The following SLIT1 variants were observed in gnomAD, a reference collection of about 807,000 sequenced individuals.
The protein encoded by SLIT1 is slit guidance ligand 1, also known as slit homolog 1 protein.
SLIT1 carries 66 observed loss-of-function variants against 186.1 expected under a neutral mutation model. The ratio of observed to expected loss-of-function variants is 0.35; its 90% confidence interval spans 0.29 to 0.44. The LOEUF (loss-of-function observed/expected upper bound fraction) is 0.44, where lower values mean the gene tolerates loss of function less well. Ranked by LOEUF, SLIT1 falls within the 20% of genes least tolerant of loss-of-function variation. SLIT1 has a pLI of 1.00. For missense variants in SLIT1, 1,638 were observed against 2,037.4 expected, an observed-to-expected ratio of 0.80 and a Z score of 3.77; for synonymous variants, 761 against 833.8, an observed-to-expected ratio of 0.91 and a Z score of 1.50.
Position 97,004,927 on chromosome 10 carries a change from T to C in SLIT1, c.3580-104A>G. Reference sequence around the variant, plus strand: ...ACCCAAGATTGGAAGAGAGATGCTCTGTGCAGAGCGCTCTTCCCCCACCTG... The same window carrying C: ...ACCCAAGATTGGAAGAGAGATGCTCCGTGCAGAGCGCTCTTCCCCCACCTG... On this transcript the variant is annotated intron_variant, in intron 32 of 36. Transcript: ENST00000266058. This position sits in a 1 kb window ranked among gnomAD's most constrained non-coding sequence, Gnocchi z 5.1. The C allele has an allele frequency of 7.2e-7, 1 of 1,381,096 alleles. No homozygotes were observed. The highest frequency in any genetic ancestry group is 1.0e-6 in the Non-Finnish European group (1 of 989,530). 85.6% of individuals were successfully genotyped at this position (1,381,096 alleles called of 1,614,324 possible).
chr10:97,082,996 T>C (rs1321193522), intron 4 of SLIT1, among the ~76,000 whole-genome samples: 1 of 152,256 alleles, frequency 6.6e-6, no homozygotes, highest in African/African-American at 2.4e-5. Context: ...CACTGCAGCC[T>C]GGGCTCAGGC....
At chr10:97,172,998 C>A (rs1265221397) in intron 1 of SLIT1, among the ~76,000 whole-genome samples, 1 of 151,892 alleles carries the variant, frequency 6.6e-6, no homozygotes, top group East Asian at 1.9e-4. Context: ...AAATGTTCTC[C>A]CCAAATGGAC....
chr10:97,157,811 C>CA lies in SLIT1; in HGVS notation c.413+6dup, dbSNP rs1849970927. 6.2e-7 allele frequency: 1 copy of CA among 1,610,360 alleles called. No individual in the cohort carries two copies. The highest frequency in any genetic ancestry group is 2.2e-5 in the East Asian group (1 of 44,860). On this transcript the variant is annotated splice_region_variant and intron_variant, in intron 4 of 36. Transcript: ENST00000266058. Reference sequence around the variant, plus strand: ...GGAGAACTCTCTGGCCACAGAGCGTCACTCACAGTCTTGACAAAGCCTGGT... The same window carrying CA: ...GGAGAACTCTCTGGCCACAGAGCGTCAACTCACAGTCTTGACAAAGCCTGGT...
chr10:97,064,775 C>G, intron 6 of SLIT1, 30 bp downstream of exon 6: 1 of 1,560,470 alleles, frequency 6.4e-7, no homozygotes, highest in Non-Finnish European at 8.7e-7. Flanking sequence ...GCCCTCCACA[C>G]CCCTCCTTCC....
intron 1 of SLIT1, among the ~76,000 whole-genome samples, chr10:97,165,364 C>T (rs932531650): frequency 3.3e-5 from 5 of 152,124 alleles, no homozygotes; most frequent in Admixed American, 3.3e-4. Flanking sequence ...CATGGGGACA[C>T]CAGTGTTATC....
At chr10:97,072,423 C>T (rs1849008730) in intron 4 of SLIT1, among the ~76,000 whole-genome samples, 1 of 152,168 alleles carries the variant, frequency 6.6e-6, no homozygotes. Flanking sequence ...CTCAGCCTCC[C>T]AAGTAGCTGG....
At chr10:97,097,969 A>T (rs1469102370) in intron 4 of SLIT1, among the ~76,000 whole-genome samples, 1 of 152,204 alleles carries the variant, frequency 6.6e-6, no homozygotes, top group Non-Finnish European at 1.5e-5. Context: ...CGATTTTGTT[A>T]ATGTTATCAT....
In SLIT1 at chr10:97,021,010, C is replaced by G. The variant is rs1023034032; in HGVS notation, c.2746+240G>C. ...GAAACACTGCTGCTATTTTTATTTT[C>G]CTTATGTAACCACAGGGAGGGATTA... On this transcript the variant is annotated intron_variant, in intron 26 of 36. Coordinates refer to ENST00000266058, the MANE Select transcript of SLIT1 (RefSeq NM_003061.3). This position sits in a 1 kb window ranked among gnomAD's most constrained non-coding sequence, Gnocchi z 4.5. Among the ~76,000 whole-genome samples the G allele has an allele frequency of 6.6e-6, 1 of 152,250 alleles. No homozygotes were observed. Among genetic ancestry groups the G allele is most frequent in the African/African-American group, 2.4e-5 (1 of 41,464 alleles).
At chr10:97,147,875 G>C (rs562407214) in intron 4 of SLIT1, among the ~76,000 whole-genome samples, 117 of 152,306 alleles carry the variant, frequency 7.7e-4, no homozygotes, top group African/African-American at 2.7e-3. Flanking sequence ...CTGCACAGCT[G>C]CTCCTTCCAC....
chr10:97,093,268 C>A (rs1213542281), intron 4 of SLIT1, among the ~76,000 whole-genome samples: 2 of 152,206 alleles, frequency 1.3e-5, no homozygotes, highest in African/African-American at 4.8e-5. Flanking sequence ...GCAGAGGTTG[C>A]CAGGTGTTCC....
At chr10:97,031,918 A>G (rs1848595116) in intron 23 of SLIT1, among the ~76,000 whole-genome samples, 1 of 152,266 alleles carries the variant, frequency 6.6e-6, no homozygotes, top group Non-Finnish European at 1.5e-5. Context: ...AGGGACAAAA[A>G]TAATGCCAAC....
chr10:97,153,373 C>G (rs865920663), intron 4 of SLIT1: 2 of 152,368 alleles, frequency 1.3e-5, no homozygotes, highest in Middle Eastern at 3.4e-3. Context: ...GGTGACCATG[C>G]CTTACCCAGC....
At chr10:97,076,616 A>G (rs1305952409) in intron 4 of SLIT1, among the ~76,000 whole-genome samples, 4 of 152,226 alleles carry the variant, frequency 2.6e-5, no homozygotes, top group African/African-American at 9.6e-5. Context: ...TCTCCAGGTC[A>G]GGGACTAGGT....
rs370290782 is a variant in SLIT1, at chr10:97,140,516, T to C, written c.413+17302A>G. ...CCCCCAAGTTGCCTGGAGCCCCTCA[T>C]TCTCCATAAACACACTTCCCCTCCT... On this transcript the variant is annotated intron_variant, in intron 4 of 36. Transcript: ENST00000266058. Among the ~76,000 whole-genome samples the C allele has an allele frequency of 4.0e-3, 614 of 152,324 alleles. 2 individuals are homozygous for C. Among genetic ancestry groups the C allele is most frequent in the African/African-American group, 0.011 (478 of 41,574 alleles).
At chr10:97,178,790 AGT>A (rs57432718) in intron 1 of SLIT1, among the ~76,000 whole-genome samples, 15,401 of 150,588 alleles carry the variant, frequency 0.1, 813 homozygotes, top group East Asian at 0.15. Context: ...AGAGAGAGAA[AGT>A]GTGTGTGTGT....
In SLIT1 at chr10:97,063,568, G is replaced by C. The variant is rs748375457; in HGVS notation, c.680C>G (p.Ser227Trp). Residue 227 changes from serine (S) to tryptophan (W), a missense_variant, in exon 8 of 37, where the codon TCG becomes TGG. By Grantham distance (177) the Ser-to-Trp change is radical. Around this residue, in one of 3 missense-constraint regions of SLIT1, gnomAD observed 1,245 missense variants for 1,535.3 expected, o/e 0.81. Coordinates refer to ENST00000266058, the MANE Select transcript of SLIT1 (RefSeq NM_003061.3). ...GGTTGGCCGCTGCCTCAGCCACTGC[G>C]AGAGCCAGGCCAGGTGGCAGTCGCA... ...LFCDCHLAWL[S>W]QWLRQRPTIG... is the part of the protein sequence containing the mutation. 2 of 1,613,362 alleles carry C rather than the reference G, an allele frequency of 1.2e-6. No individual in the cohort carries two copies. Among genetic ancestry groups the C allele is most frequent in the Non-Finnish European group, 1.7e-6 (2 of 1,179,826 alleles).
At chr10:97,075,052 C>T (rs911976429) in intron 4 of SLIT1, among the ~76,000 whole-genome samples, 16 of 152,196 alleles carry the variant, frequency 1.1e-4, no homozygotes, top group Non-Finnish European at 1.9e-4. Context: ...CCCACTCGGG[C>T]GCCACTGCAG....
intron 25 of SLIT1, among the ~76,000 whole-genome samples, chr10:97,027,092 C>T (rs1039494081): frequency 6.6e-6 from 1 of 152,178 alleles, no homozygotes; most frequent in Non-Finnish European, 1.5e-5. Context: ...CAGGGCTTCT[C>T]AGTAACATCA....
chr10:97,163,052 G>A (rs901763863), intron 3 of SLIT1, among the ~76,000 whole-genome samples: 3 of 152,204 alleles, frequency 2.0e-5, no homozygotes, highest in African/African-American at 4.8e-5. Flanking sequence ...AATGGACAGC[G>A]GTTATGTCAG....
Sources: gnomAD v4.1 joint callset for allele counts (sites outside exome capture counted in the v4.1 genomes callset) on GRCh38, gnomAD v4.1.1 for gene constraint, gnomAD v4.1.1 regional missense constraint, Gnocchi (gnomAD v3.1) non-coding constraint, MANE v1.5 for transcripts, NCBI Gene and HGNC (gene_info 2026-07-23, HGNC 2026-07-21) for gene names.